Variants in MTMR3 observed in about 807,000 individuals in gnomAD.
MTMR3 encodes myotubularin related protein 3, also known as phosphatidylinositol-3,5-bisphosphate 3-phosphatase MTMR3.
Under a neutral mutation model 132.4 loss-of-function variants are expected in MTMR3, and 32 were observed. That is an observed-to-expected ratio of 0.24 (90% CI 0.18 to 0.32). MTMR3 has a LOEUF of 0.32. Among genes scored for constraint, MTMR3 ranks in the 10% least tolerant of loss-of-function variants. The probability of loss-of-function intolerance (pLI) is 1.00; values close to 1 mark genes in which losing one functional copy is unlikely to be tolerated. For missense variants in MTMR3, 1,216 were observed against 1,489.6 expected (o/e 0.82, Z 3.02); for synonymous variants, 556 against 550.3 (o/e 1.01, Z -0.14).
In MTMR3 at chr22:30,020,693, C is replaced by G; in HGVS notation, c.3034C>G (p.Arg1012Gly). The G allele has an allele frequency of 1.2e-6, 2 of 1,614,218 alleles. No individual in the cohort carries two copies. The highest frequency in any genetic ancestry group is 8.5e-7 in the Non-Finnish European group (1 of 1,180,032). ...SATSSPDQPS[R>G]SHLDDDGMSV... ...AACCAGCAGCCCCGACCAGCCTTCC[C>G]GCAGCCACCTGGACGATGATGGCAT... Residue 1012 changes from arginine to glycine, a missense_variant, in exon 17 of 20, where the codon CGC (arginine) becomes GGC (glycine). This residue lies in a region of MTMR3 where 852 missense variants were observed against 852.0 expected (regional missense o/e 1.00). Transcript: ENST00000401950.
chr22:29,898,671 G>A (rs1425190694), intron 1 of MTMR3, among the ~76,000 whole-genome samples: 1 of 152,160 alleles, frequency 6.6e-6, no homozygotes, highest in African/African-American at 2.4e-5. Flanking sequence ...CAAAGTGCTG[G>A]TATTATAGGC....
chr22:30,003,474 G>C (rs1248848973), intron 9 of MTMR3: 1 of 152,152 alleles, frequency 6.6e-6, no homozygotes, highest in African/African-American at 2.4e-5. Flanking sequence ...CTAGATAGAA[G>C]ATTTCAGTGA....
chr22:29,915,276 T>C (rs1317565924), intron 1 of MTMR3, among the ~76,000 whole-genome samples: 2 of 152,256 alleles, frequency 1.3e-5, no homozygotes, highest in Non-Finnish European at 2.9e-5. Flanking sequence ...TGAATATAAC[T>C]CTTGTAGCTT....
intron 1 of MTMR3, among the ~76,000 whole-genome samples, chr22:29,923,375 AT>A (rs552417619): frequency 2.7e-5 from 4 of 150,678 alleles, no homozygotes; most frequent in East Asian, 2.0e-4. Flanking sequence ...CCCAGCTTGT[AT>A]TTTTTTTATG....
intron 3 of MTMR3, among the ~76,000 whole-genome samples, chr22:29,974,462 A>G (rs1800800934): frequency 6.6e-6 from 1 of 152,228 alleles, no homozygotes; most frequent in African/African-American, 2.4e-5. Flanking sequence ...GTGAATTGAG[A>G]CAATAGCTTT....
At chr22:29,982,973 G>GTGTGTGTGTGTGTGTGTA (rs992209270) in intron 5 of MTMR3, 16 of 148,104 alleles carry the variant, frequency 1.1e-4, no homozygotes, top group African/African-American at 3.5e-4. Context: ...GTGTGTGTGT[G>GTGTGTGTGTGTGTGTGTA]TGTATGTGTT....
chr22:29,983,752 C>T (rs1303022518), intron 5 of MTMR3: 1 of 152,184 alleles, frequency 6.6e-6, no homozygotes, highest in African/African-American at 2.4e-5. Flanking sequence ...ATCCTCCCAC[C>T]TCAGCCTTCT....
At chr22:29,891,536 A>G (rs1171316433) in intron 1 of MTMR3, among the ~76,000 whole-genome samples, 6 of 151,944 alleles carry the variant, frequency 3.9e-5, no homozygotes, top group Non-Finnish European at 7.4e-5. Flanking sequence ...GGTTGAAGTG[A>G]TTCTTGCGCC....
At chr22:29,938,861 G>T (rs1268999538) in intron 1 of MTMR3, among the ~76,000 whole-genome samples, 1 of 151,632 alleles carries the variant, frequency 6.6e-6, no homozygotes, top group East Asian at 1.9e-4. Flanking sequence ...TCACTCTGAT[G>T]CCCAGGCTAG....
At chr22:29,892,450 A>G (rs1189756020) in intron 1 of MTMR3, among the ~76,000 whole-genome samples, 3 of 152,206 alleles carry the variant, frequency 2.0e-5, no homozygotes, top group Non-Finnish European at 4.4e-5. Context: ...AATAATTGCT[A>G]CTTGCTCTCC....
In MTMR3 at chr22:29,988,659, T is replaced by C. The variant is rs1000490763; in HGVS notation, c.293+97T>C. 54 of 784,972 alleles carry C rather than the reference T, an allele frequency of 6.9e-5. No homozygotes were observed. In the South Asian group the frequency reaches 6.9e-4, roughly 10 times the overall value. The allele number at this position is 784,972 out of a possible 1,614,324, so 48.6% of individuals were successfully genotyped here. ...GGTAACTTAGTAAAATACCTTTTGATGATTAGCCTCATTAGGAATATTTTC... is the reference window on the plus strand; with the variant it reads ...GGTAACTTAGTAAAATACCTTTTGACGATTAGCCTCATTAGGAATATTTTC... On this transcript the variant is annotated intron_variant, in intron 6 of 19. Transcript: ENST00000401950.
chr22:29,951,064 T>C (rs2066069241), intron 1 of MTMR3, among the ~76,000 whole-genome samples: 1 of 151,944 alleles, frequency 6.6e-6, no homozygotes. Context: ...GGCAGGAGAA[T>C]TGCTTGAACC....
chr22:29,992,669 G>C (rs961351659), intron 7 of MTMR3: 1 of 152,036 alleles, frequency 6.6e-6, no homozygotes, highest in Non-Finnish European at 1.5e-5. Flanking sequence ...TTTACTCTTG[G>C]GACTTTTTTC....
intron 1 of MTMR3, among the ~76,000 whole-genome samples, chr22:29,886,875 T>TG (rs1464181123): frequency 3.3e-5 from 5 of 152,198 alleles, no homozygotes; most frequent in Admixed American, 3.3e-4. Context: ...GAGAATGGTT[T>TG]GGGGGGAGTT....
chr22:30,010,005 T>G (rs1188052626), intron 12 of MTMR3: 4 of 152,228 alleles, frequency 2.6e-5, no homozygotes, highest in Non-Finnish European at 5.9e-5. Flanking sequence ...TAGCAAATGA[T>G]TAAATTCACC....
At chr22:29,929,082 C>G (rs1190766414) in intron 1 of MTMR3, among the ~76,000 whole-genome samples, 1 of 151,978 alleles carries the variant, frequency 6.6e-6, no homozygotes, top group Non-Finnish European at 1.5e-5. Context: ...GAGTTCAAGA[C>G]CAGTCTGGGC....
At chr22:29,888,776 T>TG (rs1195086240) in intron 1 of MTMR3, among the ~76,000 whole-genome samples, 2 of 142,778 alleles carry the variant, frequency 1.4e-5, no homozygotes, top group South Asian at 2.3e-4. Context: ...TACTTTTTTT[T>TG]TTTTTTTTTT....
At chr22:29,925,546 ATTTG>A (rs1339884121) in intron 1 of MTMR3, among the ~76,000 whole-genome samples, 1 of 145,438 alleles carries the variant, frequency 6.9e-6, no homozygotes, top group Non-Finnish European at 1.5e-5. Context: ...CTACCTTTTT[ATTTG>A]TTTTCTTTAA....
chr22:29,893,283 T>C (rs1425962295), intron 1 of MTMR3, among the ~76,000 whole-genome samples: 1 of 152,244 alleles, frequency 6.6e-6, no homozygotes, highest in Non-Finnish European at 1.5e-5. Context: ...CTTTACTTTC[T>C]CTTAAGATAC....
Sources: allele counts gnomAD v4.1 joint callset (sites outside exome capture counted in the v4.1 genomes callset), GRCh38; gene constraint gnomAD v4.1.1; regional missense constraint gnomAD v4.1.1; transcripts MANE v1.5; gene names NCBI Gene and HGNC (gene_info 2026-07-23, HGNC 2026-07-21).